The following GLT8D2 variants were observed in gnomAD, a reference collection of about 807,000 sequenced individuals.
GLT8D2 encodes glycosyltransferase 8 domain containing 2, also known as glycosyltransferase 8 domain-containing protein 2.
Under a neutral mutation model 44.5 loss-of-function variants are expected in GLT8D2, and 45 were observed. That is an observed-to-expected ratio of 1.01 (90% CI 0.80 to 1.30). GLT8D2 has a LOEUF of 1.30. Ranked by LOEUF, GLT8D2 falls within the 50% of genes most tolerant of loss-of-function variation. The pLI, the probability that GLT8D2 is intolerant of heterozygous loss-of-function variation, is 0.00. For missense variants in GLT8D2, 400 were observed against 430.4 expected (o/e 0.93, Z 0.62); for synonymous variants, 156 against 157.2 (o/e 0.99, Z 0.06).
chr12:104,024,483 G>A (rs11111877), intron 1 of GLT8D2, among the ~76,000 whole-genome samples: 5,873 of 152,180 alleles, frequency 0.039, 157 homozygotes, highest in Non-Finnish European at 0.054. Context: ...TTTCCTGAGT[G>A]GAAACATTTT....
intron 4 of GLT8D2, chr12:104,014,361 A>G (rs1343897183): frequency 1.5e-6 from 1 of 669,968 alleles, no homozygotes; most frequent in Non-Finnish European, 2.7e-6. Flanking sequence ...TCTCAAAAAA[A>G]AAAGTAAATT....
At chr12:104,037,031 A>G (rs1879992108) in intron 1 of GLT8D2, among the ~76,000 whole-genome samples, 1 of 152,044 alleles carries the variant, frequency 6.6e-6, no homozygotes. Flanking sequence ...GCACAACTAC[A>G]TGGAAACCGA....
intron 1 of GLT8D2, among the ~76,000 whole-genome samples, chr12:104,032,379 C>T (rs1272437544): frequency 2.8e-5 from 4 of 144,814 alleles, no homozygotes; most frequent in African/African-American, 1.0e-4. Flanking sequence ...TTGCTTGACC[C>T]TGCCACATGG....
At chr12:103,996,613 C>A (rs1231608070) in intron 8 of GLT8D2, 122 bp downstream of exon 8, 4 of 675,972 alleles carry the variant, frequency 5.9e-6, no homozygotes, top group South Asian at 3.8e-5. Context: ...CACCTCCCTG[C>A]AGTCCAGACT....
chr12:104,052,463 G>A (rs1881803455), upstream of GLT8D2, among the ~76,000 whole-genome samples: 1 of 152,320 alleles, frequency 6.6e-6, no homozygotes, highest in South Asian at 2.1e-4. Flanking sequence ...AGTTAGCGAT[G>A]AAGCCAGGAT....
intron 1 of GLT8D2, among the ~76,000 whole-genome samples, chr12:104,056,180 A>G (rs1566217296): frequency 6.6e-6 from 1 of 152,066 alleles, no homozygotes; most frequent in African/African-American, 2.4e-5. Context: ...CTTTGGACAT[A>G]GCTTCAGCCA....
chr12:104,037,073 T>C (rs1388383164), intron 1 of GLT8D2, among the ~76,000 whole-genome samples: 1 of 152,094 alleles, frequency 6.6e-6, no homozygotes, highest in African/African-American at 2.4e-5. Context: ...ACTGGGTAAA[T>C]AGCGAAATGA....
chr12:104,009,167 A>G (rs1875491395), intron 4 of GLT8D2, among the ~76,000 whole-genome samples: 1 of 152,220 alleles, frequency 6.6e-6, no homozygotes, highest in Non-Finnish European at 1.5e-5. Flanking sequence ...CCGTTGCTGG[A>G]AAAGCTACAG....
intron 1 of GLT8D2, among the ~76,000 whole-genome samples, chr12:104,063,008 G>GA (rs1161699530): frequency 2.0e-5 from 3 of 151,958 alleles, no homozygotes; most frequent in Admixed American, 6.5e-5. Context: ...TCTAAATTGT[G>GA]TACTCCCTAT....
intron 1 of GLT8D2, among the ~76,000 whole-genome samples, chr12:104,034,038 AC>A (rs1056786405): frequency 1.3e-4 from 20 of 152,260 alleles, no homozygotes; most frequent in African/African-American, 4.6e-4. Flanking sequence ...AAGAAAGCAA[AC>A]AAAAAACTCT....
chr12:104,023,501 T>A (rs1878173875), intron 1 of GLT8D2, among the ~76,000 whole-genome samples: 1 of 152,242 alleles, frequency 6.6e-6, no homozygotes, highest in Admixed American at 6.5e-5. Flanking sequence ...AATATTACCA[T>A]GTCAGCTTCA....
intron 1 of GLT8D2, among the ~76,000 whole-genome samples, chr12:104,062,274 TG>T (rs1173492811): frequency 6.6e-6 from 1 of 152,064 alleles, no homozygotes; most frequent in African/African-American, 2.4e-5. Context: ...GGTTTCACCA[TG>T]TTGGCCAGGC....
At chr12:104,004,468 T>C (rs1483829440) in intron 4 of GLT8D2, among the ~76,000 whole-genome samples, 2 of 152,212 alleles carry the variant, frequency 1.3e-5, no homozygotes, top group African/African-American at 4.8e-5. Flanking sequence ...CATGATTGTA[T>C]ATTTAGAAAA....
At chr12:104,022,214 G>A (rs867139537) in intron 1 of GLT8D2, among the ~76,000 whole-genome samples, 2 of 152,228 alleles carry the variant, frequency 1.3e-5, no homozygotes, top group Middle Eastern at 3.4e-3. Flanking sequence ...GTCACTGTGG[G>A]ATGAGAAAGT....
At chr12:104,024,521 G>A (rs1334034327) in intron 1 of GLT8D2, among the ~76,000 whole-genome samples, 1 of 152,222 alleles carries the variant, frequency 6.6e-6, no homozygotes, top group Non-Finnish European at 1.5e-5. Context: ...AGCATGGTGA[G>A]AAAGTTCCAG....
intron 1 of GLT8D2, among the ~76,000 whole-genome samples, chr12:104,028,119 AG>A (rs1878803166): frequency 6.6e-6 from 1 of 152,214 alleles, no homozygotes; most frequent in Non-Finnish European, 1.5e-5. Context: ...AAGAAGCTTT[AG>A]GATGCAGATA....
chr12:103,994,581 G>A (rs1873181937), intron 8 of GLT8D2, 80 bp from the exon 9 acceptor site: 1 of 1,335,086 alleles, frequency 7.5e-7, no homozygotes. Context: ...TGAAACCCTT[G>A]TGCAGTATCT....
In GLT8D2 at chr12:104,057,828, T is replaced by C. The variant is rs1882309124; in HGVS notation, c.-423+6121A>G. Among the ~76,000 whole-genome samples the C allele has an allele frequency of 4.6e-5, 7 of 152,290 alleles. No individual in the cohort carries two copies. In the South Asian group the frequency reaches 1.5e-3, roughly 32 times the overall value. ...TTTACCTATTTCTTTCTTTCTTTTT[T>C]TCCCCCCTTGCTAGGTCACTGCCCC... On this transcript the variant is annotated intron_variant, in intron 1 of 10. Transcript: ENST00000548660.
At chr12:104,012,170 CAAAA>C (rs10571369) in intron 4 of GLT8D2, among the ~76,000 whole-genome samples, 844 of 83,178 alleles carry the variant, frequency 0.01, 11 homozygotes, top group African/African-American at 0.037. Flanking sequence ...AACTCTGTCT[CAAAA>C]AAAAAAAAAA....
Sources: gnomAD v4.1 joint callset for allele counts (sites outside exome capture counted in the v4.1 genomes callset) on GRCh38, gnomAD v4.1.1 for gene constraint, MANE v1.5 for transcripts, NCBI Gene and HGNC (gene_info 2026-07-23, HGNC 2026-07-21) for gene names.